KCNN2: variants seen among roughly 807,000 people sequenced by gnomAD.
KCNN2 encodes potassium calcium-activated channel subfamily N member 2, also known as small conductance calcium-activated potassium channel protein 2.
Under a neutral mutation model 55.5 loss-of-function variants are expected in KCNN2, and 24 were observed. The ratio of observed to expected loss-of-function variants is 0.43; its 90% CI spans 0.31 to 0.61. KCNN2 has a LOEUF of 0.61. KCNN2 is among the 20% of genes least tolerant of loss of function. KCNN2 has a pLI of 0.08. For missense variants in KCNN2, 754 were observed against 853.6 expected (o/e 0.88, Z 1.45); for synonymous variants, 431 against 336.1 (o/e 1.28, Z -3.09).
chr5:114,259,928 A>T (rs990294588), intron 2 of KCNN2, among the ~76,000 whole-genome samples: 3 of 152,196 alleles, frequency 2.0e-5, no homozygotes, highest in Non-Finnish European at 4.4e-5. Flanking sequence ...TTGGCATCTG[A>T]CATCTCTAGT....
At chr5:114,226,027 C>G (rs1754231348) in intron 2 of KCNN2, among the ~76,000 whole-genome samples, 1 of 152,096 alleles carries the variant, frequency 6.6e-6, no homozygotes, top group African/African-American at 2.4e-5. Context: ...GGACTAAAAT[C>G]CCCAAAGATC....
intron 1 of KCNN2, among the ~76,000 whole-genome samples, chr5:114,087,138 T>C (rs1751033480): frequency 6.6e-6 from 1 of 152,128 alleles, no homozygotes; most frequent in Non-Finnish European, 1.5e-5. Context: ...TTGTTCCTTA[T>C]TGAGTTGTTT....
intron 2 of KCNN2, among the ~76,000 whole-genome samples, chr5:114,351,560 G>A (rs183811915): frequency 4.3e-4 from 66 of 151,820 alleles, no homozygotes; most frequent in Non-Finnish European, 3.0e-5. Context: ...TCACCAGTAA[G>A]TATGATATTA....
intron 2 of KCNN2, among the ~76,000 whole-genome samples, chr5:114,234,100 T>C (rs1028933422): frequency 2.0e-5 from 3 of 152,096 alleles, no homozygotes; most frequent in African/African-American, 7.2e-5. Flanking sequence ...TTTATAACAG[T>C]CTCCTTTTAT....
At chr5:114,452,830 G>GCAGTAAGC (rs1468879581) in intron 3 of KCNN2, among the ~76,000 whole-genome samples, 1 of 152,148 alleles carries the variant, frequency 6.6e-6, no homozygotes, top group East Asian at 1.9e-4. Flanking sequence ...TGAGCCATTG[G>GCAGTAAGC]CAGTAAGCTC....
At chr5:114,474,832 T>C (rs71579453) in intron 5 of KCNN2, among the ~76,000 whole-genome samples, 1 of 152,036 alleles carries the variant, frequency 6.6e-6, no homozygotes, top group Non-Finnish European at 1.5e-5. Context: ...CTTAAGATAT[T>C]AGGGAGAAAA....
chr5:114,121,720 A>T (rs1751833386), intron 1 of KCNN2, among the ~76,000 whole-genome samples: 1 of 152,124 alleles, frequency 6.6e-6, no homozygotes, highest in African/African-American at 2.4e-5. Context: ...CCCAGCTGAT[A>T]TCCTCTCTTG....
chr5:114,376,091 T>C (rs1757929387), intron 2 of KCNN2, among the ~76,000 whole-genome samples: 1 of 151,274 alleles, frequency 6.6e-6, no homozygotes, highest in Non-Finnish European at 1.5e-5. Flanking sequence ...CATCTCCCAA[T>C]GTGTCCTTTG....
chr5:114,237,537 G>A (rs1754527124), intron 2 of KCNN2, among the ~76,000 whole-genome samples: 1 of 152,086 alleles, frequency 6.6e-6, no homozygotes, highest in Admixed American at 6.5e-5. Context: ...GAGGGAGAGA[G>A]AAGGCTGGGG....
At position 114,482,680 on chromosome 5, in the gene KCNN2, A is replaced by T. The variant is rs568909479; in HGVS notation, c.1891-4370A>T. 6.6e-5 allele frequency among the ~76,000 whole-genome samples: 10 copies of T among 152,304 alleles called. No individual in the cohort carries two copies. In the South Asian group the frequency reaches 1.0e-3, roughly 16 times the overall value. ...AGAAAATGTGGTACATATATACCAC[A>T]GAATAGTATACAGCCATAAAAAGGA... On this transcript the variant is annotated intron_variant, in intron 5 of 7. Transcript: ENST00000673685.
chr5:114,060,489 A>G (rs1420628955), intron 1 of KCNN2, among the ~76,000 whole-genome samples: 1 of 152,232 alleles, frequency 6.6e-6, no homozygotes, highest in African/African-American at 2.4e-5. Flanking sequence ...GGGAAAATGA[A>G]GAATTTTTTT....
intron 1 of KCNN2, among the ~76,000 whole-genome samples, chr5:114,146,207 A>G (rs1471360974): frequency 2.6e-5 from 4 of 152,188 alleles, no homozygotes; most frequent in Non-Finnish European, 5.9e-5. Context: ...CAGTAACAGA[A>G]CTAGATTTAG....
chr5:114,176,297 A>G (rs1244030387), intron 1 of KCNN2, among the ~76,000 whole-genome samples: 3 of 152,188 alleles, frequency 2.0e-5, no homozygotes, highest in African/African-American at 7.2e-5. Flanking sequence ...ACCTCAGACA[A>G]AGCTATAACA....
intron 2 of KCNN2, among the ~76,000 whole-genome samples, chr5:114,225,084 T>A (rs550569746): frequency 6.6e-5 from 10 of 152,340 alleles, no homozygotes; most frequent in African/African-American, 2.4e-4. Context: ...AAAAGGTTAT[T>A]TGACTAAATA....
intron 2 of KCNN2, among the ~76,000 whole-genome samples, chr5:114,379,552 A>G (rs1190450592): frequency 1.1e-5 from 1 of 90,972 alleles, no homozygotes; most frequent in Non-Finnish European, 2.0e-5. Context: ...TATAGAATAT[A>G]TTATATAACA....
intron 1 of KCNN2, among the ~76,000 whole-genome samples, chr5:114,218,133 TG>T (rs906650203): frequency 4.6e-5 from 7 of 152,198 alleles, no homozygotes; most frequent in African/African-American, 1.4e-4. Context: ...TCATTGCTAG[TG>T]GGAATACAAA....
intron 2 of KCNN2, among the ~76,000 whole-genome samples, chr5:114,403,787 G>C (rs185424780): frequency 7.2e-5 from 11 of 152,084 alleles, no homozygotes; most frequent in Non-Finnish European, 1.3e-4. Context: ...AGAAACAGGA[G>C]GAAAAAGGGA....
intron 3 of KCNN2, among the ~76,000 whole-genome samples, chr5:114,432,556 C>A (rs903796028): frequency 1.8e-4 from 27 of 152,220 alleles, no homozygotes; most frequent in African/African-American, 6.3e-4. Context: ...TCGGCGCCTC[C>A]TCTGCCTGGG....
chr5:114,085,269 T>G (rs1431708540), intron 1 of KCNN2, among the ~76,000 whole-genome samples: 1 of 151,928 alleles, frequency 6.6e-6, no homozygotes. Context: ...TTACTGGGAT[T>G]TTGATTTTAA....
Sources: allele counts gnomAD v4.1 joint callset (sites outside exome capture counted in the v4.1 genomes callset), GRCh38; gene constraint gnomAD v4.1.1; transcripts MANE v1.5; gene names NCBI Gene and HGNC (gene_info 2026-07-23, HGNC 2026-07-21).